Variants in PDE10A observed in about 807,000 individuals in gnomAD.
The protein encoded by PDE10A is cAMP and cAMP-inhibited cGMP 3',5'-cyclic phosphodiesterase 10A.
A neutral mutation model predicts 97.7 loss-of-function variants in PDE10A; 39 were observed. That is an observed-to-expected ratio of 0.40 (90% CI 0.31 to 0.52). The LOEUF (loss-of-function observed/expected upper bound fraction) is 0.52, where lower values mean the gene tolerates loss of function less well. Among genes scored for constraint, PDE10A ranks in the 20% least tolerant of loss-of-function variants. The pLI is 0.56. For synonymous variants in PDE10A, 371 were observed against 376.8 expected, an observed-to-expected ratio of 0.98 and a Z score of 0.18; for missense variants, 731 against 1,047.8, an observed-to-expected ratio of 0.70 and a Z score of 4.17.
chr6:165,883,945 T>A (rs969092625), intron 1 of PDE10A, among the ~76,000 whole-genome samples: 2 of 151,408 alleles, frequency 1.3e-5, no homozygotes, highest in Admixed American at 1.3e-4. Context: ...TGAGGGGAGG[T>A]CCTCGAGGGG....
chr6:165,403,714 A>G (rs1786867827), intron 13 of PDE10A, among the ~76,000 whole-genome samples: 1 of 152,220 alleles, frequency 6.6e-6, no homozygotes, highest in South Asian at 2.1e-4. Flanking sequence ...AATCAAATAC[A>G]TACTCCACAT....
At chr6:165,854,473 C>G (rs1180171263) in intron 1 of PDE10A, among the ~76,000 whole-genome samples, 1 of 152,174 alleles carries the variant, frequency 6.6e-6, no homozygotes, top group Non-Finnish European at 1.5e-5. Context: ...CAGGACGTCC[C>G]CCGGTGTCCA....
At position 165,635,532 on chromosome 6, in the gene PDE10A, G is replaced by A. The variant is rs142366485; in HGVS notation, c.865+26415C>T. On this transcript the variant is annotated intron_variant, in intron 1 of 21. Coordinates refer to ENST00000539869, the MANE Select transcript of PDE10A (RefSeq NM_001385079.1). ...GTGCACGACCATCACAGCGGATTTG[G>A]AATTACGCTATCCAAGCAAACAAGT... is the stretch of plus-strand genomic sequence containing the variant. Among the ~76,000 whole-genome samples, 213 of 152,192 alleles carry A rather than the reference G, an allele frequency of 1.4e-3. 1 individual carries two copies. The highest frequency in any genetic ancestry group is 4.7e-3 in the African/African-American group (196 of 41,528).
intron 1 of PDE10A, among the ~76,000 whole-genome samples, chr6:165,911,197 A>G (rs1302752013): frequency 6.6e-6 from 1 of 152,136 alleles, no homozygotes; most frequent in African/African-American, 2.4e-5. Flanking sequence ...TAACTTAAAA[A>G]CCCAAAACAT....
chr6:165,406,376 T>C (rs1787169824), intron 13 of PDE10A, among the ~76,000 whole-genome samples: 1 of 152,184 alleles, frequency 6.6e-6, no homozygotes, highest in African/African-American at 2.4e-5. Context: ...AAAACTTTTC[T>C]TGGGAATATA....
chr6:165,782,583 C>T (rs950056944), intron 1 of PDE10A, among the ~76,000 whole-genome samples: 16 of 152,198 alleles, frequency 1.1e-4, no homozygotes, highest in South Asian at 4.1e-4. Context: ...ACTCAATTAT[C>T]CAACCCTCCC....
chr6:165,378,120 T>C (rs1356571055), intron 18 of PDE10A, among the ~76,000 whole-genome samples: 3 of 152,236 alleles, frequency 2.0e-5, no homozygotes, highest in African/African-American at 7.2e-5. Context: ...ATGGTACTTA[T>C]TCTTGAAGAG....
chr6:165,928,794 G>T (rs1783029156), intron 1 of PDE10A, among the ~76,000 whole-genome samples: 1 of 152,184 alleles, frequency 6.6e-6, no homozygotes, highest in Admixed American at 6.5e-5. Context: ...GCTCAGAGAA[G>T]AATGCAATCT....
At chr6:165,678,049 G>A (rs1035420145) in intron 1 of PDE10A, among the ~76,000 whole-genome samples, 7 of 150,902 alleles carry the variant, frequency 4.6e-5, no homozygotes, top group Non-Finnish European at 8.9e-5. Context: ...GTTTGTATAT[G>A]TGTGTGTTTG....
intron 10 of PDE10A, among the ~76,000 whole-genome samples, chr6:165,421,493 T>C (rs1422185816): frequency 6.6e-6 from 1 of 152,156 alleles, no homozygotes; most frequent in African/African-American, 2.4e-5. Context: ...ATAAAAACTT[T>C]AGTAAAATGG....
At chr6:165,802,563 C>T (rs918279418) in intron 1 of PDE10A, among the ~76,000 whole-genome samples, 2 of 152,190 alleles carry the variant, frequency 1.3e-5, no homozygotes, top group African/African-American at 4.8e-5. Context: ...AGGCTGCGTG[C>T]GGCCTGAAGC....
chr6:165,388,477 A>T lies in PDE10A; in HGVS notation c.2455-24T>A. 6.2e-7 allele frequency: 1 copy of T among 1,611,310 alleles called. No individual in the cohort carries two copies. The highest frequency in any genetic ancestry group is 8.5e-7 in the Non-Finnish European group (1 of 1,178,194). ...CGCTTTAAAAAATAATATGATGCAG[A>T]GATGCTCAAAACACAGAAACACACA... On this transcript the variant is annotated intron_variant, in intron 16 of 21. Coordinates refer to ENST00000539869, the MANE Select transcript of PDE10A (RefSeq NM_001385079.1). The surrounding 1 kb of genome is among the most constrained non-coding windows in gnomAD (Gnocchi z 4.0).
intron 1 of PDE10A, among the ~76,000 whole-genome samples, chr6:165,691,080 T>TCC: frequency 8.0e-5 from 3 of 37,642 alleles, no homozygotes; most frequent in African/African-American, 2.5e-4. Context: ...TCTCTTTCTC[T>TCC]CTCTCTCTCT....
chr6:165,519,428 T>C (rs1782004887), intron 2 of PDE10A, among the ~76,000 whole-genome samples: 1 of 151,018 alleles, frequency 6.6e-6, no homozygotes, highest in Non-Finnish European at 1.5e-5. Context: ...TCCAGGGTAA[T>C]AATTGAGAAA....
At chr6:165,845,419 G>A (rs1348151897) in intron 1 of PDE10A, among the ~76,000 whole-genome samples, 2 of 152,236 alleles carry the variant, frequency 1.3e-5, no homozygotes, top group Non-Finnish European at 2.9e-5. Flanking sequence ...TATGATGGCT[G>A]CGTTCATGCA....
At chr6:165,457,125 G>A (rs1001536700) in intron 3 of PDE10A, among the ~76,000 whole-genome samples, 1 of 152,054 alleles carries the variant, frequency 6.6e-6, no homozygotes, top group Non-Finnish European at 1.5e-5. Flanking sequence ...CCATGATAAA[G>A]GAATCAATTT....
At chr6:165,721,112 A>T (rs1792157984) in intron 1 of PDE10A, among the ~76,000 whole-genome samples, 3 of 152,210 alleles carry the variant, frequency 2.0e-5, no homozygotes, top group Non-Finnish European at 4.4e-5. Context: ...CAGGATAAAG[A>T]AGGATTTACG....
intron 20 of PDE10A, among the ~76,000 whole-genome samples, chr6:165,336,755 C>CAAAAAAA (rs776243789): frequency 5.9e-5 from 3 of 50,476 alleles, no homozygotes; most frequent in Non-Finnish European, 8.3e-5. Context: ...GACTCCGTCT[C>CAAAAAAA]AAAAAAAAAA....
intron 1 of PDE10A, among the ~76,000 whole-genome samples, chr6:165,953,450 G>C (rs1349376195): frequency 1.3e-5 from 2 of 152,044 alleles, no homozygotes; most frequent in Non-Finnish European, 2.9e-5. Context: ...AATTAGCCGG[G>C]TGTGGTGGCG....
Sources: gnomAD v4.1 joint callset for allele counts (sites outside exome capture counted in the v4.1 genomes callset) on GRCh38, gnomAD v4.1.1 for gene constraint, Gnocchi (gnomAD v3.1) non-coding constraint, MANE v1.5 for transcripts, NCBI Gene and HGNC (gene_info 2026-07-23, HGNC 2026-07-21) for gene names.